Variants in SOX5 observed in about 807,000 individuals in gnomAD.
The protein encoded by SOX5 is transcription factor SOX-5.
Under a neutral mutation model 92.0 loss-of-function variants are expected in SOX5, and 9 were observed. That is an observed-to-expected ratio of 0.10 (90% CI 0.06 to 0.17). SOX5 has a LOEUF of 0.17. SOX5 is among the 10% of genes least tolerant of loss of function. The pLI, the probability that SOX5 is intolerant of heterozygous loss-of-function variation, is 1.00. For synonymous variants in SOX5, 344 were observed against 336.3 expected, an observed-to-expected ratio of 1.02 and a Z score of -0.25; for missense variants, 642 against 944.5, an observed-to-expected ratio of 0.68 and a Z score of 4.20.
At chr12:23,536,143 A>G (rs1940379469) in intron 14 of SOX5, among the ~76,000 whole-genome samples, 1 of 152,246 alleles carries the variant, frequency 6.6e-6, no homozygotes, top group African/African-American at 2.4e-5. Context: ...TTAGGAAGTA[A>G]TGCAAACCAA....
chr12:23,954,469 A>G (rs1181810977), upstream of SOX5, among the ~76,000 whole-genome samples: 1 of 151,816 alleles, frequency 6.6e-6, no homozygotes, highest in Non-Finnish European at 1.5e-5. Flanking sequence ...AAAAGAAAGA[A>G]AGAAAGAAAG....
chr12:24,511,684 C>T (rs1204385065), intron 1 of SOX5, among the ~76,000 whole-genome samples: 4 of 151,996 alleles, frequency 2.6e-5, no homozygotes, highest in Admixed American at 6.6e-5. Flanking sequence ...TGCGGCCGGG[C>T]GCAGTGGCTC....
chr12:24,409,508 C>T (rs948945431), intron 1 of SOX5, among the ~76,000 whole-genome samples: 2 of 151,968 alleles, frequency 1.3e-5, no homozygotes, highest in Non-Finnish European at 2.9e-5. Flanking sequence ...AAGTCATAAA[C>T]ATTTATATAC....
chr12:23,976,384 C>A (rs1591985801), intron 4 of SOX5, among the ~76,000 whole-genome samples: 7 of 66,988 alleles, frequency 1.0e-4, no homozygotes, highest in East Asian at 6.9e-4. Context: ...AAGAGGTGAA[C>A]ACTATTAAAA....
At chr12:23,560,188 C>T (rs779050682) in intron 11 of SOX5, among the ~76,000 whole-genome samples, 3 of 152,116 alleles carry the variant, frequency 2.0e-5, no homozygotes, top group Admixed American at 6.6e-5. Flanking sequence ...GGATTACAGG[C>T]GTTTGAGTCA....
chr12:23,730,316 C>A (rs1430397692), intron 6 of SOX5, among the ~76,000 whole-genome samples: 1 of 151,982 alleles, frequency 6.6e-6, no homozygotes, highest in Non-Finnish European at 1.5e-5. Flanking sequence ...TAGCTTGATA[C>A]AGTAAATTGA....
chr12:23,884,850 G>C (rs977600525), intron 2 of SOX5, among the ~76,000 whole-genome samples: 2 of 152,184 alleles, frequency 1.3e-5, no homozygotes, highest in African/African-American at 4.8e-5. Flanking sequence ...CTGGTACACA[G>C]AAAACATTGA....
At chr12:23,943,836 A>T (rs1283133124) in intron 1 of SOX5, among the ~76,000 whole-genome samples, 1 of 152,070 alleles carries the variant, frequency 6.6e-6, no homozygotes, top group Non-Finnish European at 1.5e-5. Context: ...TATGGGCAAA[A>T]ACTCCTTAAA....
chr12:24,434,879 T>C (rs898937312), intron 1 of SOX5, among the ~76,000 whole-genome samples: 1 of 152,242 alleles, frequency 6.6e-6, no homozygotes, highest in African/African-American at 2.4e-5. Context: ...TTACCCTGTC[T>C]TGGGTATTTC....
At chr12:24,517,947 G>A (rs1281784095) in intron 1 of SOX5, among the ~76,000 whole-genome samples, 5 of 152,220 alleles carry the variant, frequency 3.3e-5, no homozygotes, top group South Asian at 4.1e-4. Flanking sequence ...AGTAGAAAAT[G>A]TAGTTTCAAC....
chr12:24,255,472 A>G (rs1475445948), intron 3 of SOX5, among the ~76,000 whole-genome samples: 1 of 152,194 alleles, frequency 6.6e-6, no homozygotes, highest in Non-Finnish European at 1.5e-5. Flanking sequence ...TCTTACCCCA[A>G]TTCCAAAACA....
At chr12:23,691,022 T>C (rs1015806286) in intron 6 of SOX5, among the ~76,000 whole-genome samples, 3 of 152,202 alleles carry the variant, frequency 2.0e-5, no homozygotes, top group African/African-American at 7.2e-5. Flanking sequence ...GTCTTCAAGC[T>C]GGACTATCTT....
intron 2 of SOX5, among the ~76,000 whole-genome samples, chr12:24,324,799 T>TTC (rs1177768892): frequency 3.9e-4 from 60 of 152,216 alleles, no homozygotes; most frequent in Middle Eastern, 6.8e-3. Context: ...TTCAACGAAT[T>TTC]AATACATATG....
chr12:24,259,214 AAG>A (rs1292852135), intron 3 of SOX5, among the ~76,000 whole-genome samples: 1 of 152,126 alleles, frequency 6.6e-6, no homozygotes, highest in Non-Finnish European at 1.5e-5. Context: ...AAGAGACAGA[AAG>A]AGAGCGAGCG....
At chr12:24,451,167 T>C (rs1037069339) in intron 1 of SOX5, among the ~76,000 whole-genome samples, 1 of 152,258 alleles carries the variant, frequency 6.6e-6, no homozygotes, top group African/African-American at 2.4e-5. Flanking sequence ...TGTGTATAAG[T>C]ACCACATTTT....
intron 3 of SOX5, among the ~76,000 whole-genome samples, chr12:24,218,596 G>C (rs1051944777): frequency 6.6e-6 from 1 of 152,014 alleles, no homozygotes. Context: ...AAAAAACATT[G>C]ACATGAACAC....
intron 1 of SOX5, among the ~76,000 whole-genome samples, chr12:24,495,068 G>A (rs1947481299): frequency 6.6e-6 from 1 of 152,154 alleles, no homozygotes; most frequent in African/African-American, 2.4e-5. Flanking sequence ...GTTCACAGAA[G>A]AGTTAAAATC....
chr12:24,010,492 T>C (rs1168864336), intron 4 of SOX5, among the ~76,000 whole-genome samples: 1 of 152,202 alleles, frequency 6.6e-6, no homozygotes, highest in Non-Finnish European at 1.5e-5. Flanking sequence ...AGCAGTTGCT[T>C]TGCCTAAATT....
chr12:24,196,799 A>G (rs1196172425), intron 4 of SOX5, among the ~76,000 whole-genome samples: 1 of 152,140 alleles, frequency 6.6e-6, no homozygotes, highest in African/African-American at 2.4e-5. Context: ...ACTACTCAGG[A>G]GGCTGAGTTG....
Sources: allele counts gnomAD v4.1 joint callset (sites outside exome capture counted in the v4.1 genomes callset), GRCh38; gene constraint gnomAD v4.1.1; transcripts MANE v1.5; gene names NCBI Gene and HGNC (gene_info 2026-07-23, HGNC 2026-07-21).